CCDC81: variants seen among roughly 807,000 people sequenced by gnomAD.
CCDC81 encodes coiled-coil domain containing 81, also known as coiled-coil domain-containing protein 81.
In CCDC81, 79 loss-of-function variants were observed where a neutral mutation model predicts 83.7. The ratio of observed to expected loss-of-function variants is 0.94; its 90% CI spans 0.79 to 1.14. CCDC81 has a LOEUF of 1.14. CCDC81 is among the 50% of genes most tolerant of loss of function. The pLI is 0.00. For missense variants in CCDC81, 791 were observed against 778.1 expected (o/e 1.02, Z -0.20); for synonymous variants, 252 against 278.1 (o/e 0.91, Z 0.93).
At chr11:86,401,239 A>C (rs1420505202) in intron 7 of CCDC81, among the ~76,000 whole-genome samples, 2 of 152,188 alleles carry the variant, frequency 1.3e-5, no homozygotes, top group Non-Finnish European at 2.9e-5. Context: ...TGAATGAATG[A>C]GTGTATTACA....
At chr11:86,406,575 G>A (rs1948568921) in intron 7 of CCDC81, among the ~76,000 whole-genome samples, 2 of 152,150 alleles carry the variant, frequency 1.3e-5, no homozygotes, top group South Asian at 2.1e-4. Flanking sequence ...GGGAGGCCGA[G>A]GTGGGCAGAC....
chr11:86,397,592 A>AG, intron 5 of CCDC81, 29 bp from the exon 6 acceptor site: 1 of 1,598,610 alleles, frequency 6.3e-7, no homozygotes, highest in Non-Finnish European at 8.5e-7. Flanking sequence ...GGTTCAGTGC[A>AG]GCAGAAAAAC....
At chr11:86,410,386 A>C (rs1458400043) in intron 10 of CCDC81, among the ~76,000 whole-genome samples, 1 of 152,190 alleles carries the variant, frequency 6.6e-6, no homozygotes, top group Non-Finnish European at 1.5e-5. Context: ...CAGACACTTA[A>C]AGAGACAACT....
intron 1 of CCDC81, among the ~76,000 whole-genome samples, chr11:86,381,440 T>G (rs1452027144): frequency 2.0e-5 from 3 of 152,232 alleles, no homozygotes; most frequent in Non-Finnish European, 4.4e-5. Context: ...CTCTGGGAAG[T>G]AAACCTTAAA....
intron 13 of CCDC81, among the ~76,000 whole-genome samples, chr11:86,417,979 C>T (rs7941054): frequency 0.78 from 118,922 of 152,156 alleles, 46,518 homozygotes; most frequent in South Asian, 0.86. Context: ...CATAGCAACT[C>T]GCTTCTCAGC....
chr11:86,400,247 A>G (rs1429286251), intron 6 of CCDC81, among the ~76,000 whole-genome samples: 5 of 152,168 alleles, frequency 3.3e-5, no homozygotes, highest in Admixed American at 6.5e-5. Context: ...TAGCACTGTT[A>G]GCACATAAGA....
intron 4 of CCDC81, among the ~76,000 whole-genome samples, chr11:86,394,215 T>C (rs1199305778): frequency 1.3e-5 from 2 of 152,214 alleles, no homozygotes; most frequent in African/African-American, 2.4e-5. Context: ...CTTCAATACG[T>C]GTTTAAAAGA....
Position 86,414,557 on chromosome 11 carries a change from T to G in CCDC81, c.1392-232T>G, listed in dbSNP as rs113307170. ...CCTGACCTCAAGTGATCTGCCCACT[T>G]CAGCCTCCCAAAGTGCTGGGATTAC... On this transcript the variant is annotated intron_variant, in intron 11 of 14. Coordinates refer to ENST00000445632, the MANE Select transcript of CCDC81 (RefSeq NM_001156474.2). The G allele has an allele frequency of 4.9e-3, 2,176 of 448,490 alleles. 42 individuals are homozygous for G. The highest frequency in any genetic ancestry group is 0.036 in the African/African-American group (1,796 of 49,412). 27.8% of individuals were successfully genotyped at this position (448,490 alleles called of 1,614,324 possible). A position where few individuals can be genotyped will look rare whatever the true frequency, so the allele number is the denominator to read the frequency against.
rs1465669277 is a variant in CCDC81, at chr11:86,400,890, A to C, written c.881+89A>C. 4.5e-6 allele frequency: 6 copies of C among 1,340,042 alleles called. No individual in the cohort carries two copies. The African/African-American group carries it at 8.8e-5, about 20-fold the overall frequency. The allele number at this position is 1,340,042 out of a possible 1,614,324, so 83.0% of individuals were successfully genotyped here. Reference sequence around the variant, plus strand: ...ATGCGGGGAACTGTAATTGTTCATTAATTCATTTATCCAGTGTTCTTTAGA... The same window carrying C: ...ATGCGGGGAACTGTAATTGTTCATTCATTCATTTATCCAGTGTTCTTTAGA... On this transcript the variant is annotated intron_variant, in intron 7 of 14. Coordinates refer to ENST00000445632, the MANE Select transcript of CCDC81 (RefSeq NM_001156474.2).
intron 1 of CCDC81, among the ~76,000 whole-genome samples, chr11:86,385,339 C>T (rs1478378164): frequency 1.3e-5 from 2 of 152,020 alleles, no homozygotes; most frequent in African/African-American, 4.8e-5. Flanking sequence ...GAGCCGAGAT[C>T]ACGCCACTGC....
At chr11:86,419,529 T>C (rs1948761022) in intron 13 of CCDC81, 1 of 154,152 alleles carries the variant, frequency 6.5e-6, no homozygotes, top group South Asian at 2.1e-4. Context: ...TGCCTTGTAA[T>C]ATGTCTGCAG....
chr11:86,384,076 A>G (rs17149021), intron 1 of CCDC81, among the ~76,000 whole-genome samples: 41,475 of 152,032 alleles, frequency 0.27, 6,313 homozygotes, highest in African/African-American at 0.41. Flanking sequence ...AAATCATTTC[A>G]TCTTCAGTGT....
chr11:86,378,138 G>T lies in CCDC81; in HGVS notation c.79+2896G>T, dbSNP rs188197763. Among the ~76,000 whole-genome samples, 13 of 151,798 alleles carry T rather than the reference G, an allele frequency of 8.6e-5. No homozygotes were observed. The East Asian group carries it at 2.5e-3, about 29-fold the overall frequency. On this transcript the variant is annotated intron_variant, in intron 1 of 14. Transcript: ENST00000445632. The stretch of plus-strand genomic sequence containing the variant: ...TCTTTTGTGTCCTTTTAATCTATTT[G>T]TCTGTTCTTTTGTCAATACACACTG...
At chr11:86,400,187 T>G (rs981993556) in intron 6 of CCDC81, among the ~76,000 whole-genome samples, 4 of 152,074 alleles carry the variant, frequency 2.6e-5, no homozygotes, top group Non-Finnish European at 5.9e-5. Flanking sequence ...TTATACATTT[T>G]GCATCACTGT....
chr11:86,399,481 A>G (rs2138519237), intron 6 of CCDC81, among the ~76,000 whole-genome samples: 1 of 151,988 alleles, frequency 6.6e-6, no homozygotes, highest in Admixed American at 6.5e-5. Flanking sequence ...ATGCCTGGCT[A>G]ATTTTTGTAC....
At chr11:86,403,920 A>G (rs1055447113) in intron 7 of CCDC81, among the ~76,000 whole-genome samples, 1 of 152,200 alleles carries the variant, frequency 6.6e-6, no homozygotes, top group African/African-American at 2.4e-5. Flanking sequence ...GGAGATGTCA[A>G]AGATGACCCC....
At position 86,423,040 on chromosome 11, in the gene CCDC81, G is replaced by T; in HGVS notation, c.*325G>T. The stretch of plus-strand genomic sequence containing the variant: ...TGACCCAGCCCTGCTGCTGCTCCAT[G>T]ACTTTGTGTACAAAACTTTTTTCAT... On this transcript the variant is annotated 3_prime_UTR_variant, in exon 15 of 15. Transcript: ENST00000445632. 1 of 255,504 alleles carries T rather than the reference G, an allele frequency of 3.9e-6. No homozygotes were observed. The highest frequency in any genetic ancestry group is 8.5e-5 in the East Asian group (1 of 11,784). The allele number at this position is 255,504 out of a possible 1,614,324, so 15.8% of individuals were successfully genotyped here.
In CCDC81 at chr11:86,386,065, T is replaced by A; in HGVS notation, c.94T>A (p.Trp32Arg). ...TTGAATTTCAGAAGTCTCTATTATC[T>A]GGGGGAATGTATCAGAATTTGTGAG... ...SLSQEEVSII[W>R]GNVSEFVRRQ... Residue 32 changes from tryptophan (W) to arginine (R), a missense_variant, in exon 2 of 15, where the codon TGG becomes AGG. Coordinates refer to ENST00000445632, the MANE Select transcript of CCDC81 (RefSeq NM_001156474.2). 6.6e-7 allele frequency: 1 copy of A among 1,526,568 alleles called. No individual in the cohort carries two copies. The highest frequency in any genetic ancestry group is 8.9e-7 in the Non-Finnish European group (1 of 1,123,980). 94.6% of individuals were successfully genotyped at this position (1,526,568 alleles called of 1,614,324 possible).
At chr11:86,389,661 A>G (rs145717672) in intron 3 of CCDC81, among the ~76,000 whole-genome samples, 5,316 of 152,256 alleles carry the variant, frequency 0.035, 113 homozygotes, top group South Asian at 0.068. Context: ...CCATGACCCA[A>G]TCACCTCCCA....
Sources: allele counts gnomAD v4.1 joint callset (sites outside exome capture counted in the v4.1 genomes callset), GRCh38; gene constraint gnomAD v4.1.1; transcripts MANE v1.5; gene names NCBI Gene and HGNC (gene_info 2026-07-23, HGNC 2026-07-21).